Variants in HGD observed in about 807,000 individuals in gnomAD.
HGD encodes the protein homogentisate 1,2-dioxygenase, also known as homogentisate oxidase.
HGD carries 61 observed loss-of-function variants against 60.8 expected under a neutral mutation model. That is an observed-to-expected ratio of 1.00 (90% confidence interval 0.82 to 1.24). HGD has a LOEUF of 1.24. HGD is among the 50% of genes most tolerant of loss of function. HGD has a pLI of 0.00. For missense variants in HGD, 542 were observed against 547.1 expected, an observed-to-expected ratio of 0.99 and a Z score of 0.09; for synonymous variants, 212 against 187.7, an observed-to-expected ratio of 1.13 and a Z score of -1.06.
chr3:120,653,022 T>C (rs913984009), intron 4 of HGD, among the ~76,000 whole-genome samples: 1 of 152,236 alleles, frequency 6.6e-6, no homozygotes, highest in Non-Finnish European at 1.5e-5. Context: ...TTTCATGCTA[T>C]TTATAATCAG....
chr3:120,630,874 A>G lies in HGD; in HGVS notation c.1188+2273T>C, dbSNP rs868689536. 2.9e-3 allele frequency among the ~76,000 whole-genome samples: 432 copies of G among 149,246 alleles called. 1 individual carries two copies. Among genetic ancestry groups the G allele is most frequent in the African/African-American group, 0.01 (413 of 40,024 alleles). On this transcript the variant is annotated intron_variant, in intron 13 of 13. Coordinates refer to ENST00000283871, the MANE Select transcript of HGD (RefSeq NM_000187.4). ...CACACACACACACACACACACACAC[A>G]CACAGATAATGGAATACTATGCAGC...
At chr3:120,633,428 G>A in intron 12 of HGD, 100 bp from the exon 13 acceptor site, 1 of 1,604,652 alleles carries the variant, frequency 6.2e-7, no homozygotes, top group Non-Finnish European at 8.5e-7. Flanking sequence ...AAGAACACAG[G>A]AGAAACTAGT....
Position 120,628,594 on chromosome 3 carries a change from G to C in HGD, c.1189-65C>G, listed in dbSNP as rs959667452. ...GATAGATAATAAACACATTTGATTAGATGTCAACAGAAGGTATGGGTAGGT... is the reference window on the plus strand; with the variant it reads ...GATAGATAATAAACACATTTGATTACATGTCAACAGAAGGTATGGGTAGGT... On this transcript the variant is annotated intron_variant, in intron 13 of 13. Transcript: ENST00000283871. 2.0e-5 allele frequency: 31 copies of C among 1,541,586 alleles called. No homozygotes were observed. The Admixed American group carries it at 5.0e-4, about 25-fold the overall frequency.
intron 4 of HGD, among the ~76,000 whole-genome samples, chr3:120,663,236 G>T (rs1407330227): frequency 6.6e-6 from 1 of 152,172 alleles, no homozygotes; most frequent in Non-Finnish European, 1.5e-5. Flanking sequence ...GGGGAAGAGA[G>T]AGAGTAAGTA....
chr3:120,638,471 C>A lies in HGD; in HGVS notation c.990G>T (p.Arg330Ser), dbSNP rs120074171. The change falls in exon 12 of 14, where the codon AGG (arginine) becomes AGT (serine). Residue 330 changes from arginine (R) to serine (S), a missense_variant. This residue lies in a region of HGD where 537 missense variants were observed against 529.1 expected (regional missense o/e 1.01). Transcript: ENST00000283871. ...GAGACTTACTATGGTAATAAGGAGG[C>A]CTGAAGGTCTTATCAGCAACCCCCC... The part of the protein sequence containing the change: ...PRWGVADKTF[R>S]PPYYHRNCMS... 14 of 1,613,772 alleles carry A rather than the reference C, an allele frequency of 8.7e-6. No individual in the cohort carries two copies. The highest frequency in any genetic ancestry group is 8.5e-7 in the Non-Finnish European group (1 of 1,179,890).
chr3:120,650,906 G>T (rs774992466), intron 5 of HGD, 41 bp from the exon 6 acceptor site: 20 of 1,492,718 alleles, frequency 1.3e-5, no homozygotes, highest in Non-Finnish European at 1.6e-5. Context: ...TAATGTGAAC[G>T]GTGCCCAAGA....
rs568401831 is a variant in HGD at position 120,674,713 on chromosome 3, C to T, written c.176+188G>A. ...GCTCTGTGCAGCTTTCCTTCACCTT[C>T]TTCCACCAGTCACTTGGTGCTAGCT... On this transcript the variant is annotated intron_variant, in intron 3 of 13. Coordinates refer to ENST00000283871, the MANE Select transcript of HGD (RefSeq NM_000187.4). The T allele has an allele frequency of 1.6e-4, 92 of 586,310 alleles. No homozygotes were observed. The African/African-American group carries it at 1.7e-3, about 11-fold the overall frequency. The allele number at this position is 586,310 out of a possible 1,614,324, so 36.3% of individuals were successfully genotyped here.
intron 9 of HGD, among the ~76,000 whole-genome samples, chr3:120,645,181 C>A (rs998228529): frequency 1.3e-5 from 2 of 152,170 alleles, no homozygotes; most frequent in African/African-American, 4.8e-5. Context: ...CCAGAGGGTA[C>A]ATGTTCCACG....
intron 6 of HGD, 152 bp from the exon 7 acceptor site, chr3:120,648,063 G>A (rs1182026693): frequency 8.5e-6 from 6 of 702,950 alleles, no homozygotes; most frequent in Non-Finnish European, 1.1e-5. Context: ...TGCCCTTGTG[G>A]AACTTAGAGT....
rs561708645 is a variant in HGD, at chr3:120,669,967, C to T, written c.282+460G>A. ...TGAATTATAGTTCCCATAATCCTCA[C>T]GTTTTGTGGGAGGGACATTCATGGT... On this transcript the variant is annotated intron_variant, in intron 4 of 13. Coordinates refer to ENST00000283871, the MANE Select transcript of HGD (RefSeq NM_000187.4). 2.8e-4 allele frequency among the ~76,000 whole-genome samples: 42 copies of T among 152,234 alleles called. 1 individual carries two copies. Among genetic ancestry groups the T allele is most frequent in the South Asian group, 6.2e-4 (3 of 4,826 alleles).
At chr3:120,647,749 C>A in intron 7 of HGD, 128 bp downstream of exon 7, 1 of 838,132 alleles carries the variant, frequency 1.2e-6, no homozygotes, top group South Asian at 1.4e-5. Flanking sequence ...AGACCTCAGT[C>A]TCTGGATTGC....
chr3:120,630,798 T>A (rs913549367), intron 13 of HGD, among the ~76,000 whole-genome samples: 1 of 88,028 alleles, frequency 1.1e-5, no homozygotes, highest in Non-Finnish European at 2.1e-5. Context: ...CTTAAGAGCT[T>A]TATATATATA....
At chr3:120,632,679 A>C (rs1341791789) in intron 13 of HGD, among the ~76,000 whole-genome samples, 3 of 152,202 alleles carry the variant, frequency 2.0e-5, no homozygotes, top group Admixed American at 1.3e-4. Flanking sequence ...TTCAAAACGC[A>C]GAAGACTCTG....
At chr3:120,632,844 G>C (rs1204185765) in intron 13 of HGD, among the ~76,000 whole-genome samples, 1 of 152,056 alleles carries the variant, frequency 6.6e-6, no homozygotes, top group Admixed American at 6.6e-5. Context: ...TTATAGATGG[G>C]GAAAATGAAG....
intron 4 of HGD, among the ~76,000 whole-genome samples, chr3:120,654,676 GGAAA>G (rs1941440669): frequency 6.6e-6 from 1 of 152,150 alleles, no homozygotes; most frequent in Non-Finnish European, 1.5e-5. Flanking sequence ...AAGAGCAAGG[GGAAA>G]GAAAGAAGAG....
intron 13 of HGD, among the ~76,000 whole-genome samples, chr3:120,631,125 G>A (rs1169065641): frequency 6.6e-6 from 1 of 151,770 alleles, no homozygotes; most frequent in Non-Finnish European, 1.5e-5. Context: ...AATAACTATT[G>A]GGTACTGTTT....
At chr3:120,639,027 C>G (rs957488040) in intron 11 of HGD, among the ~76,000 whole-genome samples, 1 of 152,168 alleles carries the variant, frequency 6.6e-6, no homozygotes, top group Non-Finnish European at 1.5e-5. Context: ...GCTCCTCCTT[C>G]GCCTTCCACC....
At chr3:120,640,445 A>G (rs2107500945) in intron 11 of HGD, among the ~76,000 whole-genome samples, 1 of 152,344 alleles carries the variant, frequency 6.6e-6, no homozygotes, top group African/African-American at 2.4e-5. Context: ...AGCATCAAAC[A>G]CCATGCTTCA....
chr3:120,671,985 T>TG (rs909435687), intron 3 of HGD, among the ~76,000 whole-genome samples: 4 of 104,936 alleles, frequency 3.8e-5, no homozygotes, highest in Non-Finnish European at 6.0e-5. Flanking sequence ...TGGGGCCTGT[T>TG]GGGGGGTGGG....
Sources: gnomAD v4.1 joint callset for allele counts (sites outside exome capture counted in the v4.1 genomes callset) on GRCh38, gnomAD v4.1.1 for gene constraint, gnomAD v4.1.1 regional missense constraint, MANE v1.5 for transcripts, NCBI Gene and HGNC (gene_info 2026-07-23, HGNC 2026-07-21) for gene names.